DMD: variants seen among roughly 807,000 people sequenced by gnomAD.
DMD encodes mutant dystrophin.
A neutral mutation model predicts 330.1 loss-of-function variants in DMD; 63 were observed. That is an observed-to-expected ratio of 0.19 (90% CI 0.16 to 0.24). The LOEUF (loss-of-function observed/expected upper bound fraction) is 0.24. Among genes scored for constraint, DMD ranks in the 10% least tolerant of loss-of-function variants. The pLI is 1.00. For missense variants in DMD, 3,344 were observed against 2,684.1 expected, an observed-to-expected ratio of 1.25 and a Z score of -5.43; for synonymous variants, 1,223 against 959.8, an observed-to-expected ratio of 1.27 and a Z score of -5.07.
In DMD at chrX:32,782,700, G is replaced by A. The variant is rs7883885; in HGVS notation, c.649+26793C>T. On this transcript the variant is annotated intron_variant, in intron 7 of 78. Transcript: ENST00000357033. Reference sequence around the variant, plus strand: ...TGCAAATTCAAATAACCTCTGATTTGATACAATAGGGTGAATATAGTCAAT... The same window carrying A: ...TGCAAATTCAAATAACCTCTGATTTAATACAATAGGGTGAATATAGTCAAT... Among the ~76,000 whole-genome samples, 283 of 110,078 alleles carry A rather than the reference G, an allele frequency of 2.6e-3. 1 individual carries two copies. Among genetic ancestry groups the A allele is most frequent in the African/African-American group, 8.1e-3 (244 of 30,224 alleles).
At chrX:31,382,837 C>T (rs1039827011) in intron 60 of DMD, among the ~76,000 whole-genome samples, 3 of 110,807 alleles carry the variant, frequency 2.7e-5, no homozygotes, top group African/African-American at 6.6e-5. Flanking sequence ...TATCTCTCCA[C>T]ACCACCCCGA....
intron 2 of DMD, among the ~76,000 whole-genome samples, chrX:33,004,905 T>C (rs760899430): frequency 5.4e-5 from 6 of 111,512 alleles, no homozygotes; most frequent in African/African-American, 1.9e-4. Flanking sequence ...CCATAAAAAC[T>C]TCTAGCTCAT....
Position 32,654,286 on chromosome X carries a change from T to C in DMD, c.961-9134A>G, listed in dbSNP as rs181175826. The stretch of plus-strand genomic sequence containing the variant: ...CATTCAATATGATAGTGGCTGTGGG[T>C]TTGTCATACATAGCTCTTATTATTT... On this transcript the variant is annotated intron_variant, in intron 9 of 78. Transcript: ENST00000357033. Among the ~76,000 whole-genome samples the C allele has an allele frequency of 4.4e-3, 488 of 111,828 alleles. 2 individuals carry two copies. The highest frequency in any genetic ancestry group is 7.3e-3 in the Non-Finnish European group (390 of 53,209).
intron 34 of DMD, among the ~76,000 whole-genome samples, chrX:32,378,856 C>T (rs1003517061): frequency 9.1e-6 from 1 of 110,397 alleles, no homozygotes; most frequent in Admixed American, 9.7e-5. Flanking sequence ...TCTCCACCTA[C>T]CAAGAAACCA....
intron 50 of DMD, among the ~76,000 whole-genome samples, chrX:31,797,003 G>A (rs1423256920): frequency 9.0e-6 from 1 of 111,705 alleles, no homozygotes; most frequent in Admixed American, 9.5e-5. Context: ...TTTTTGTACA[G>A]CCTGCAGAAC....
chrX:32,284,569 A>G (rs62591896), intron 43 of DMD, among the ~76,000 whole-genome samples: 15,152 of 111,194 alleles, frequency 0.14, 1,009 homozygotes, highest in Admixed American at 0.26. Context: ...TAAGCAACCC[A>G]CTAAGCTCCC....
intron 7 of DMD, among the ~76,000 whole-genome samples, chrX:32,804,714 T>C (rs1603430214): frequency 8.9e-6 from 1 of 112,067 alleles, no homozygotes; most frequent in Non-Finnish European, 1.9e-5. Context: ...AGACACATCA[T>C]ACAGGAGAGC....
intron 65 of DMD, among the ~76,000 whole-genome samples, chrX:31,207,651 C>A (rs771950266): frequency 6.3e-5 from 7 of 111,729 alleles, no homozygotes; most frequent in Admixed American, 1.9e-4. Context: ...CATGTTCTCA[C>A]TTCTAAGTGG....
intron 43 of DMD, among the ~76,000 whole-genome samples, chrX:32,222,719 C>A (rs2097135837): frequency 9.0e-6 from 1 of 111,616 alleles, no homozygotes; most frequent in East Asian, 2.8e-4. Flanking sequence ...CTGAGCCATG[C>A]TAGTGTCTCT....
At chrX:33,170,189 G>T (rs746124233) in intron 1 of DMD, among the ~76,000 whole-genome samples, 11 of 111,016 alleles carry the variant, frequency 9.9e-5, no homozygotes, top group African/African-American at 3.6e-4. Context: ...CCATGAAGAC[G>T]AGGGCTTTGC....
At chrX:31,851,618 T>C (rs1432883413) in intron 48 of DMD, among the ~76,000 whole-genome samples, 1 of 112,405 alleles carries the variant, frequency 8.9e-6, no homozygotes, top group Non-Finnish European at 1.9e-5. Flanking sequence ...AGATTACTTA[T>C]TGTCTGCTAA....
At chrX:32,205,005 T>TCACACA (rs1557210475) in intron 44 of DMD, among the ~76,000 whole-genome samples, 13 of 29,216 alleles carry the variant, frequency 4.4e-4, no homozygotes, top group African/African-American at 1.3e-3. Flanking sequence ...TCTCTCTCTC[T>TCACACA]CACATACACA....
chrX:32,298,873 AG>A (rs2097508995), intron 42 of DMD, among the ~76,000 whole-genome samples: 1 of 110,880 alleles, frequency 9.0e-6, no homozygotes, highest in Non-Finnish European at 1.9e-5. Context: ...GGCTACATCA[AG>A]GTGTTTTGGG....
Position 31,134,259 on chromosome X carries a change from T to C in DMD, c.10922-65A>G. The C allele has an allele frequency of 5.5e-6, 5 of 909,841 alleles. No individual in the cohort carries two copies. In the South Asian group the frequency reaches 1.1e-4, roughly 19 times the overall value. The allele number at this position is 909,841 out of a possible 1,213,427, so 75.0% of individuals were successfully genotyped here. A position where few individuals can be genotyped will look rare whatever the true frequency, so the allele number is the denominator to read the frequency against. On this transcript the variant is annotated intron_variant, in intron 76 of 78. Coordinates refer to ENST00000357033, the MANE Select transcript of DMD (RefSeq NM_004006.3). ...ATAGAAAACAGATATTAAAGGGCCA[T>C]GATTACATTTTTAACACCATTATAA...
chrX:32,604,473 C>T (rs183297256), intron 12 of DMD, among the ~76,000 whole-genome samples: 77 of 109,049 alleles, frequency 7.1e-4, no homozygotes, highest in Non-Finnish European at 1.4e-3. Context: ...GAGAGCACCC[C>T]CCTCCCCCAA....
intron 7 of DMD, among the ~76,000 whole-genome samples, chrX:32,793,809 G>C (rs1192699643): frequency 9.0e-6 from 1 of 111,122 alleles, no homozygotes; most frequent in Non-Finnish European, 1.9e-5. Flanking sequence ...TGTCTTTACT[G>C]CTGAATTCTA....
chrX:31,168,204 A>T (rs887899084), intron 74 of DMD, among the ~76,000 whole-genome samples: 27 of 112,100 alleles, frequency 2.4e-4, no homozygotes, highest in African/African-American at 7.5e-4. Context: ...ACAACAGCAT[A>T]GCCAGAACAC....
chrX:33,152,511 T>C (rs2048326556), intron 1 of DMD, among the ~76,000 whole-genome samples: 1 of 109,750 alleles, frequency 9.1e-6, no homozygotes, highest in Non-Finnish European at 1.9e-5. Context: ...TAGTAGCTTG[T>C]TGAGAGCCAC....
chrX:33,288,123 T>A (rs758359400), intron 1 of DMD, among the ~76,000 whole-genome samples: 3 of 111,805 alleles, frequency 2.7e-5, no homozygotes, highest in East Asian at 5.7e-4. Context: ...ATATAAATAT[T>A]CTCTTGAATG....
Sources: gnomAD v4.1 joint callset for allele counts (sites outside exome capture counted in the v4.1 genomes callset) on GRCh38, gnomAD v4.1.1 for gene constraint, MANE v1.5 for transcripts, NCBI Gene and HGNC (gene_info 2026-07-23, HGNC 2026-07-21) for gene names.